The following SPAG16 variants were observed in gnomAD, a reference collection of about 807,000 sequenced individuals.
The protein encoded by SPAG16 is sperm associated antigen 16, also known as sperm-associated antigen 16 protein.
A neutral mutation model predicts 80.4 loss-of-function variants in SPAG16; 86 were observed. That is an observed-to-expected ratio of 1.07 (90% CI 0.90 to 1.28). The LOEUF is 1.28. Ranked by LOEUF, SPAG16 falls within the 50% of genes most tolerant of loss-of-function variation. The probability of loss-of-function intolerance (pLI) is 0.00; values close to 1 mark genes in which losing one functional copy is unlikely to be tolerated. For synonymous variants in SPAG16, 294 were observed against 265.9 expected, an observed-to-expected ratio of 1.11 and a Z score of -1.03; for missense variants, 870 against 765.3, an observed-to-expected ratio of 1.14 and a Z score of -1.61.
intron 10 of SPAG16, among the ~76,000 whole-genome samples, chr2:213,840,236 A>G (rs184796381): frequency 1.3e-5 from 2 of 152,332 alleles, no homozygotes; most frequent in Admixed American, 6.5e-5. Flanking sequence ...CCAAATCTCT[A>G]TTAACCTACT....
At chr2:213,464,335 A>T (rs1034253002) in intron 9 of SPAG16, among the ~76,000 whole-genome samples, 9 of 152,152 alleles carry the variant, frequency 5.9e-5, no homozygotes, top group Non-Finnish European at 1.2e-4. Context: ...TGATAATATC[A>T]TGTTTCTTTT....
At chr2:213,970,623 C>A (rs1423983005) in intron 12 of SPAG16, among the ~76,000 whole-genome samples, 1 of 152,188 alleles carries the variant, frequency 6.6e-6, no homozygotes, top group Admixed American at 6.6e-5. Context: ...AAGTTTATAA[C>A]AGCACACTAT....
chr2:214,128,415 T>C (rs1576296706), intron 14 of SPAG16, among the ~76,000 whole-genome samples: 1 of 151,834 alleles, frequency 6.6e-6, no homozygotes, highest in East Asian at 1.9e-4. Flanking sequence ...TAAGCTCTAC[T>C]CAAGGCTTTT....
chr2:213,608,148 A>G (rs1206521424), intron 10 of SPAG16, among the ~76,000 whole-genome samples: 2 of 152,102 alleles, frequency 1.3e-5, no homozygotes, highest in Non-Finnish European at 2.9e-5. Context: ...GTTCACAACC[A>G]TGATAGATAT....
intron 12 of SPAG16, among the ~76,000 whole-genome samples, chr2:213,957,452 A>C (rs968195773): frequency 2.1e-5 from 3 of 141,932 alleles, no homozygotes; most frequent in African/African-American, 5.0e-5. Flanking sequence ...ATTTGCATGA[A>C]CTTTTTTTTT....
chr2:214,382,448 T>C (rs1404400585), intron 15 of SPAG16, among the ~76,000 whole-genome samples: 2 of 152,218 alleles, frequency 1.3e-5, no homozygotes, highest in Non-Finnish European at 2.9e-5. Context: ...TCAACATTAG[T>C]GTAATAAGTA....
chr2:214,170,430 TA>T (rs1453789334), intron 15 of SPAG16, among the ~76,000 whole-genome samples: 6 of 152,172 alleles, frequency 3.9e-5, no homozygotes, highest in Non-Finnish European at 8.8e-5. Context: ...GGATAGATAC[TA>T]AAACCTCCTG....
chr2:213,995,560 A>T (rs2046476118), intron 12 of SPAG16, among the ~76,000 whole-genome samples: 1 of 152,182 alleles, frequency 6.6e-6, no homozygotes, highest in Non-Finnish European at 1.5e-5. Context: ...TAATTTAGAC[A>T]TGACTCTCTT....
intron 14 of SPAG16, among the ~76,000 whole-genome samples, chr2:214,127,533 A>T (rs1451273884): frequency 1.3e-5 from 2 of 151,848 alleles, no homozygotes; most frequent in Admixed American, 1.3e-4. Context: ...GGAAAACACA[A>T]TATTTATTTT....
intron 9 of SPAG16, among the ~76,000 whole-genome samples, chr2:213,456,562 G>A (rs1240716040): frequency 6.6e-6 from 1 of 151,928 alleles, no homozygotes; most frequent in Non-Finnish European, 1.5e-5. Flanking sequence ...TTTCTCTTAG[G>A]TATTTTGTAA....
intron 15 of SPAG16, among the ~76,000 whole-genome samples, chr2:214,169,136 C>T (rs1462063765): frequency 6.6e-6 from 1 of 151,984 alleles, no homozygotes; most frequent in Non-Finnish European, 1.5e-5. Context: ...CTTGTTATAT[C>T]ACGTAACTCA....
intron 10 of SPAG16, among the ~76,000 whole-genome samples, chr2:213,757,120 G>A (rs368686422): frequency 1.3e-5 from 2 of 152,070 alleles, no homozygotes; most frequent in African/African-American, 4.8e-5. Context: ...TTAAAAATTG[G>A]GTTAAAATAG....
intron 10 of SPAG16, among the ~76,000 whole-genome samples, chr2:213,809,194 A>G (rs902521253): frequency 6.6e-6 from 1 of 152,178 alleles, no homozygotes; most frequent in African/African-American, 2.4e-5. Flanking sequence ...TGTCATCGGG[A>G]AATCTGGATT....
chr2:214,082,424 C>G (rs1371180375), intron 13 of SPAG16, among the ~76,000 whole-genome samples: 5 of 152,210 alleles, frequency 3.3e-5, no homozygotes, highest in African/African-American at 9.6e-5. Context: ...TACGTTGACT[C>G]TTAATACTAC....
At chr2:214,377,278 C>A (rs915490561) in intron 15 of SPAG16, among the ~76,000 whole-genome samples, 2 of 152,118 alleles carry the variant, frequency 1.3e-5, no homozygotes, top group South Asian at 2.1e-4. Context: ...TAAATAACAC[C>A]GTTGGACCCA....
chr2:213,392,149 C>G (rs2067787198), intron 9 of SPAG16, among the ~76,000 whole-genome samples: 1 of 152,078 alleles, frequency 6.6e-6, no homozygotes, highest in South Asian at 2.1e-4. Context: ...GAAAGGTTTC[C>G]TCTACTCTGA....
At chr2:213,961,234 G>A (rs1398641689) in intron 12 of SPAG16, among the ~76,000 whole-genome samples, 2 of 152,040 alleles carry the variant, frequency 1.3e-5, no homozygotes, top group South Asian at 4.1e-4. Context: ...CTCTCCAATT[G>A]ATATTTGTAT....
chr2:214,162,235 T>C (rs1442007837), intron 15 of SPAG16, among the ~76,000 whole-genome samples: 2 of 152,160 alleles, frequency 1.3e-5, no homozygotes, highest in East Asian at 3.9e-4. Context: ...TGGTGGGACA[T>C]GTCCTCATAG....
intron 9 of SPAG16, among the ~76,000 whole-genome samples, chr2:213,421,793 A>G (rs74373816): frequency 7.0e-4 from 107 of 152,294 alleles, no homozygotes; most frequent in African/African-American, 2.5e-3. Flanking sequence ...GCCTGCAGAT[A>G]GGAGCTACCC....
Sources: gnomAD v4.1 joint callset for allele counts (sites outside exome capture counted in the v4.1 genomes callset) on GRCh38, gnomAD v4.1.1 for gene constraint, MANE v1.5 for transcripts, NCBI Gene and HGNC (gene_info 2026-07-23, HGNC 2026-07-21) for gene names.